ADAM12: variants seen among roughly 807,000 people sequenced by gnomAD.
ADAM12 encodes the protein disintegrin and metalloproteinase domain-containing protein 12.
Under a neutral mutation model 106.4 loss-of-function variants are expected in ADAM12, and 70 were observed. The ratio of observed to expected loss-of-function variants is 0.66; its 90% CI spans 0.54 to 0.80. The LOEUF is 0.80. ADAM12 is among the 30% of genes least tolerant of loss of function. The pLI is 0.00. For synonymous variants in ADAM12, 420 were observed against 433.5 expected, an observed-to-expected ratio of 0.97 and a Z score of 0.39; for missense variants, 1,010 against 1,171.9, an observed-to-expected ratio of 0.86 and a Z score of 2.02.
chr10:126,085,155 G>A (rs1264403082), intron 11 of ADAM12, among the ~76,000 whole-genome samples: 1 of 152,112 alleles, frequency 6.6e-6, no homozygotes, highest in Non-Finnish European at 1.5e-5. Flanking sequence ...CCCTCACCCA[G>A]GTCTCCATGG....
chr10:126,049,712 T>C lies in ADAM12; in HGVS notation c.1610-43A>G, dbSNP rs76740273. 5 of 417,628 alleles carry C rather than the reference T, an allele frequency of 1.2e-5. No homozygotes were observed. Among genetic ancestry groups the C allele is most frequent in the South Asian group, 1.2e-4 (2 of 17,298 alleles). 25.9% of individuals were successfully genotyped at this position (417,628 alleles called of 1,614,324 possible). A position where few individuals can be genotyped will look rare whatever the true frequency, so the allele number is the denominator to read the frequency against. ...CTGCATTTTCATCTCCTGCAGGTGA[T>C]TTTTTTTTTTTCATGGCTGTAGGCC... is the stretch of plus-strand genomic sequence containing the variant. On this transcript the variant is annotated intron_variant, in intron 14 of 22. Transcript: ENST00000448723. The surrounding 1 kb of genome is among the most constrained non-coding windows in gnomAD (Gnocchi z 4.4).
intron 1 of ADAM12, among the ~76,000 whole-genome samples, chr10:126,362,045 G>A (rs1855761493): frequency 6.6e-6 from 1 of 152,086 alleles, no homozygotes; most frequent in South Asian, 2.1e-4. Flanking sequence ...TCTAATAGGA[G>A]TTAATATCCA....
At chr10:126,368,010 C>T (rs908813130) in intron 1 of ADAM12, among the ~76,000 whole-genome samples, 5 of 151,570 alleles carry the variant, frequency 3.3e-5, no homozygotes, top group Non-Finnish European at 7.4e-5. Flanking sequence ...GACATAAAAT[C>T]CTTAAAATAT....
At chr10:126,213,768 G>A (rs575470862) in intron 3 of ADAM12, among the ~76,000 whole-genome samples, 1 of 152,300 alleles carries the variant, frequency 6.6e-6, no homozygotes, top group Admixed American at 6.5e-5. Flanking sequence ...GCACCAAGCA[G>A]GTGTTTTAAC....
intron 9 of ADAM12, among the ~76,000 whole-genome samples, chr10:126,098,847 T>C (rs998936889): frequency 3.3e-5 from 5 of 152,206 alleles, no homozygotes; most frequent in Non-Finnish European, 7.3e-5. Flanking sequence ...TCACAGAGAA[T>C]CACTGTTAAC....
intron 4 of ADAM12, among the ~76,000 whole-genome samples, chr10:126,142,433 A>C (rs1217461457): frequency 2.0e-5 from 3 of 152,220 alleles, no homozygotes; most frequent in Non-Finnish European, 2.9e-5. Context: ...CTGCAGCAGG[A>C]GCATGTCCTT....
chr10:126,195,373 G>C (rs748113995), intron 3 of ADAM12, among the ~76,000 whole-genome samples: 1 of 152,102 alleles, frequency 6.6e-6, no homozygotes. Flanking sequence ...TCAGGGGTTC[G>C]AGATTGGCTT....
At position 126,049,797 on chromosome 10, in the gene ADAM12, C is replaced by T; in HGVS notation, c.1610-128G>A. On this transcript the variant is annotated intron_variant, in intron 14 of 22. Transcript: ENST00000448723. This position sits in a 1 kb window ranked among gnomAD's most constrained non-coding sequence, Gnocchi z 4.4. ...ATCACACCCAGTGTCTGTCCCGACTCATGGTGGGAGCTGGCCAGGGGAAGC... is the reference window on the plus strand; with the variant it reads ...ATCACACCCAGTGTCTGTCCCGACTTATGGTGGGAGCTGGCCAGGGGAAGC... The T allele has an allele frequency of 1.2e-6, 1 of 832,560 alleles. No individual in the cohort carries two copies. The highest frequency in any genetic ancestry group is 1.8e-5 in the South Asian group (1 of 56,802). The allele number at this position is 832,560 out of a possible 1,614,324, so 51.6% of individuals were successfully genotyped here.
At chr10:126,036,547 T>TAGA (rs2133399473) in intron 20 of ADAM12, among the ~76,000 whole-genome samples, 1 of 152,224 alleles carries the variant, frequency 6.6e-6, no homozygotes, top group South Asian at 2.1e-4. Flanking sequence ...AAATCTGGAA[T>TAGA]AGAAGGATCG....
At chr10:126,294,802 C>G (rs538447546) in intron 2 of ADAM12, among the ~76,000 whole-genome samples, 4 of 152,092 alleles carry the variant, frequency 2.6e-5, no homozygotes, top group African/African-American at 9.6e-5. Flanking sequence ...ACAGACAAAT[C>G]TTTTATTTGT....
In ADAM12 at chr10:126,117,890, GTCT is replaced by G; in HGVS notation, c.603+145_603+147del. On this transcript the variant is annotated intron_variant, in intron 6 of 22. Transcript: ENST00000448723. ...TTATGGTTGTGTCCCACTGTATAAT[GTCT>G]ACCACCTCCAGATAAACTGGGCACT... The G allele has an allele frequency of 3.9e-5, 6 of 153,300 alleles. 3 individuals are homozygous for G. Among genetic ancestry groups the G allele is most frequent in the Non-Finnish European group, 2.2e-5 (2 of 92,186 alleles). The allele number at this position is 153,300 out of a possible 1,614,324, so 9.5% of individuals were successfully genotyped here.
intron 9 of ADAM12, among the ~76,000 whole-genome samples, chr10:126,100,784 A>C (rs1955649151): frequency 6.6e-6 from 1 of 152,182 alleles, no homozygotes; most frequent in African/African-American, 2.4e-5. Context: ...ATCACAGCTA[A>C]AATCAGAAAA....
rs181202891 is a variant in ADAM12, at chr10:126,243,866, C to A, written c.260+35049G>T. 3.4e-3 allele frequency among the ~76,000 whole-genome samples: 520 copies of A among 152,234 alleles called. 2 individuals are homozygous for A. The Middle Eastern group carries it at 0.041, about 12-fold the overall frequency. Reference sequence around the variant, plus strand: ...CGTGGGATGGCACAGACATTGACAACGGGGAATGTGAGGCTTAACCTCAGT... The same window carrying A: ...CGTGGGATGGCACAGACATTGACAAAGGGGAATGTGAGGCTTAACCTCAGT... On this transcript the variant is annotated intron_variant, in intron 3 of 22. Transcript: ENST00000448723.
chr10:126,244,479 T>TCTGA (rs770060871), intron 3 of ADAM12, among the ~76,000 whole-genome samples: 4 of 152,264 alleles, frequency 2.6e-5, no homozygotes, highest in Non-Finnish European at 5.9e-5. Context: ...TCCAGAAAAC[T>TCTGA]CTGACTGACT....
At chr10:126,370,904 G>A (rs1856089480) in intron 1 of ADAM12, among the ~76,000 whole-genome samples, 1 of 152,072 alleles carries the variant, frequency 6.6e-6, no homozygotes, top group Admixed American at 6.6e-5. Context: ...AAATAATAAT[G>A]GCCCATACCT....
chr10:126,323,565 C>G (rs934303731), intron 2 of ADAM12, among the ~76,000 whole-genome samples: 6 of 152,198 alleles, frequency 3.9e-5, no homozygotes, highest in Non-Finnish European at 7.3e-5. Flanking sequence ...GTCTCAGAGT[C>G]AGTCAACAAG....
Position 126,299,760 on chromosome 10 carries a change from C to T in ADAM12, c.187-20772G>A, listed in dbSNP as rs184985831. Among the ~76,000 whole-genome samples the T allele has an allele frequency of 1.0e-3, 154 of 152,278 alleles. 2 individuals are homozygous for T. Among genetic ancestry groups the T allele is most frequent in the African/African-American group, 3.3e-3 (139 of 41,548 alleles). On this transcript the variant is annotated intron_variant, in intron 2 of 22. Coordinates refer to ENST00000448723, the MANE Select transcript of ADAM12 (RefSeq NM_001288973.2). ...CTGGGTTCAAACAATTCTCCTGCCT[C>T]AGCCTTCCAAGTACCTGGGATTATA...
At chr10:126,365,236 C>T (rs897024318) in intron 1 of ADAM12, among the ~76,000 whole-genome samples, 22 of 152,222 alleles carry the variant, frequency 1.4e-4, no homozygotes, top group Admixed American at 4.6e-4. Context: ...ATTCTGCTTC[C>T]GGTGCCATCG....
intron 2 of ADAM12, among the ~76,000 whole-genome samples, chr10:126,292,553 G>A (rs529193171): frequency 6.6e-6 from 1 of 152,266 alleles, no homozygotes; most frequent in Non-Finnish European, 1.5e-5. Flanking sequence ...CAAGGTTCCT[G>A]AGCATCCCAG....
Sources: gnomAD v4.1 joint callset for allele counts (sites outside exome capture counted in the v4.1 genomes callset) on GRCh38, gnomAD v4.1.1 for gene constraint, Gnocchi (gnomAD v3.1) non-coding constraint, MANE v1.5 for transcripts, NCBI Gene and HGNC (gene_info 2026-07-23, HGNC 2026-07-21) for gene names.